The following NT5DC1 variants were observed in gnomAD, a reference collection of about 807,000 sequenced individuals.
The protein encoded by NT5DC1 is 5'-nucleotidase domain-containing protein 1.
NT5DC1 carries 42 observed loss-of-function variants against 59.4 expected under a neutral mutation model. The ratio of observed to expected loss-of-function variants is 0.71; its 90% CI spans 0.55 to 0.92. The LOEUF (loss-of-function observed/expected upper bound fraction) is 0.92, where lower values mean the gene tolerates loss of function less well. NT5DC1 is among the 40% of genes least tolerant of loss of function. The pLI, the probability that NT5DC1 is intolerant of heterozygous loss-of-function variation, is 0.00. For missense variants in NT5DC1, 501 were observed against 537.1 expected, an observed-to-expected ratio of 0.93 and a Z score of 0.66; for synonymous variants, 172 against 188.1, an observed-to-expected ratio of 0.91 and a Z score of 0.70.
chr6:116,212,640 A>G (rs926632925), intron 6 of NT5DC1, among the ~76,000 whole-genome samples: 1 of 152,134 alleles, frequency 6.6e-6, no homozygotes, highest in Non-Finnish European at 1.5e-5. Flanking sequence ...TTGAATACCA[A>G]TCTAGTTTTT....
chr6:116,143,541 G>C (rs1001911931), intron 6 of NT5DC1, among the ~76,000 whole-genome samples: 5 of 151,888 alleles, frequency 3.3e-5, no homozygotes, highest in Non-Finnish European at 7.4e-5. Context: ...TTTTTGTTCA[G>C]GTTGAATTTG....
intron 6 of NT5DC1, among the ~76,000 whole-genome samples, chr6:116,135,314 A>T (rs1407688494): frequency 2.0e-5 from 3 of 152,144 alleles, no homozygotes; most frequent in East Asian, 3.9e-4. Flanking sequence ...AATTGCATCA[A>T]TATCATTAAA....
chr6:116,169,124 T>G (rs910138316), intron 6 of NT5DC1, among the ~76,000 whole-genome samples: 3 of 152,186 alleles, frequency 2.0e-5, no homozygotes, highest in African/African-American at 7.2e-5. Flanking sequence ...GTGTTACTGC[T>G]AATTCCAGGC....
chr6:116,133,367 A>G (rs1027028882), intron 6 of NT5DC1, among the ~76,000 whole-genome samples: 2 of 152,242 alleles, frequency 1.3e-5, no homozygotes, highest in African/African-American at 4.8e-5. Context: ...AGTGTTAATT[A>G]GAGAAGTCAC....
At chr6:116,178,088 TGC>T (rs770350675) in intron 6 of NT5DC1, among the ~76,000 whole-genome samples, 6,176 of 99,346 alleles carry the variant, frequency 0.062, 175 homozygotes, top group African/African-American at 0.12. Flanking sequence ...TGTGTGTGTG[TGC>T]GCGCGCGCGC....
chr6:116,185,966 G>A (rs1029372309), intron 6 of NT5DC1, among the ~76,000 whole-genome samples: 1 of 152,032 alleles, frequency 6.6e-6, no homozygotes, highest in Non-Finnish European at 1.5e-5. Flanking sequence ...TATAGATCCT[G>A]TGAGATTTAT....
chr6:116,210,119 G>T (rs1039469445), intron 6 of NT5DC1, among the ~76,000 whole-genome samples: 1 of 151,904 alleles, frequency 6.6e-6, no homozygotes, highest in African/African-American at 2.4e-5. Context: ...GATATAATTA[G>T]AATGCATATT....
chr6:116,194,702 T>C (rs986670157), intron 6 of NT5DC1, among the ~76,000 whole-genome samples: 2 of 152,062 alleles, frequency 1.3e-5, no homozygotes, highest in Non-Finnish European at 2.9e-5. Flanking sequence ...GAACTACAAG[T>C]ATAATTATAT....
At chr6:116,148,202 A>G (rs1433731991) in intron 6 of NT5DC1, among the ~76,000 whole-genome samples, 2 of 152,160 alleles carry the variant, frequency 1.3e-5, no homozygotes, top group Admixed American at 1.3e-4. Flanking sequence ...TTGAGAGGCA[A>G]ATTGAGTAAG....
At chr6:116,115,540 A>G (rs1778947299) in intron 4 of NT5DC1, 151 bp from the exon 5 acceptor site, 1 of 410,888 alleles carries the variant, frequency 2.4e-6, no homozygotes, top group Non-Finnish European at 4.4e-6. Context: ...TTAAAAGACA[A>G]TGACAGCCAA....
intron 6 of NT5DC1, among the ~76,000 whole-genome samples, chr6:116,128,571 CTG>C (rs1398511013): frequency 6.6e-6 from 1 of 152,090 alleles, no homozygotes; most frequent in African/African-American, 2.4e-5. Flanking sequence ...ATTTGTACAT[CTG>C]TGGATCGTTA....
chr6:116,214,335 A>C lies in NT5DC1; in HGVS notation c.530-6719A>C, dbSNP rs181981850. The stretch of plus-strand genomic sequence containing the variant: ...ATAAAAATAAATTCTATTTTACTTA[A>C]AAAGATTTTTACTTAAAATGTTTTT... On this transcript the variant is annotated intron_variant, in intron 6 of 11. Transcript: ENST00000319550. 2.0e-3 allele frequency among the ~76,000 whole-genome samples: 304 copies of C among 152,302 alleles called. 1 individual carries two copies. The highest frequency in any genetic ancestry group is 3.0e-3 in the Admixed American group (46 of 15,286).
rs540238245 is a variant in NT5DC1 at position 116,245,340 on chromosome 6, A to G, written c.*1316A>G. The G allele has an allele frequency of 8.5e-5, 13 of 152,674 alleles. No homozygotes were observed. In the East Asian group the frequency reaches 2.3e-3, roughly 27 times the overall value. The allele number at this position is 152,674 out of a possible 1,614,324, so 9.5% of individuals were successfully genotyped here. On this transcript the variant is annotated 3_prime_UTR_variant, in exon 12 of 12. Coordinates refer to ENST00000319550, the MANE Select transcript of NT5DC1 (RefSeq NM_152729.3). ...CAAACACTATCATTATTTTACCTGGATTGAAGTGCAGAATTTGGCATATCG... is the reference window on the plus strand; with the variant it reads ...CAAACACTATCATTATTTTACCTGGGTTGAAGTGCAGAATTTGGCATATCG...
At chr6:116,242,617 A>C (rs914693453) in intron 11 of NT5DC1, among the ~76,000 whole-genome samples, 1 of 152,188 alleles carries the variant, frequency 6.6e-6, no homozygotes, top group African/African-American at 2.4e-5. Context: ...TATAACTGCC[A>C]GTCTAAGATA....
At chr6:116,126,358 C>G (rs529005385) in intron 6 of NT5DC1, among the ~76,000 whole-genome samples, 1 of 152,076 alleles carries the variant, frequency 6.6e-6, no homozygotes, top group South Asian at 2.1e-4. Context: ...CAAGGACCGT[C>G]TTTGTCTGTG....
chr6:116,152,143 C>G (rs1465431243), intron 6 of NT5DC1, among the ~76,000 whole-genome samples: 1 of 152,110 alleles, frequency 6.6e-6, no homozygotes, highest in Non-Finnish European at 1.5e-5. Context: ...GATGCAGTGC[C>G]TTCGTTTTCA....
intron 8 of NT5DC1, among the ~76,000 whole-genome samples, chr6:116,231,159 A>G (rs1321585759): frequency 1.8e-5 from 2 of 111,250 alleles, no homozygotes; most frequent in East Asian, 6.2e-4. Flanking sequence ...CCCCCCCCCA[A>G]ACCAAAGTAG....
chr6:116,133,701 C>T (rs1582824116), intron 6 of NT5DC1, among the ~76,000 whole-genome samples: 2 of 152,160 alleles, frequency 1.3e-5, no homozygotes, highest in South Asian at 4.1e-4. Context: ...ACCCACAGAC[C>T]TCTTCCCTAA....
chr6:116,154,372 G>C (rs1028877703), intron 6 of NT5DC1, among the ~76,000 whole-genome samples: 1 of 152,066 alleles, frequency 6.6e-6, no homozygotes. Context: ...TGGTCACCCA[G>C]TTTCCCCTCA....
Sources: allele counts gnomAD v4.1 joint callset (sites outside exome capture counted in the v4.1 genomes callset), GRCh38; gene constraint gnomAD v4.1.1; transcripts MANE v1.5; gene names NCBI Gene and HGNC (gene_info 2026-07-23, HGNC 2026-07-21).